Variants in PFKP observed in about 807,000 individuals in gnomAD.
PFKP encodes ATP-dependent 6-phosphofructokinase, platelet type.
Under a neutral mutation model 94.3 loss-of-function variants are expected in PFKP, and 101 were observed. That is an observed-to-expected ratio of 1.07 (90% CI 0.91 to 1.26). The LOEUF is 1.26. Among genes scored for constraint, PFKP ranks in the 50% most tolerant of loss-of-function variants. The pLI, the probability that PFKP is intolerant of heterozygous loss-of-function variation, is 0.00. For missense variants in PFKP, 1,145 were observed against 1,103.3 expected (o/e 1.04, Z -0.53); for synonymous variants, 573 against 432.6 (o/e 1.32, Z -4.03).
Position 3,082,455 on chromosome 10 carries a change from C to T in PFKP, c.180C>T (p.Ile60=). 1 of 1,605,088 alleles carries T rather than the reference C, an allele frequency of 6.2e-7. No homozygotes were observed. The highest frequency in any genetic ancestry group is 2.3e-5 in the East Asian group (1 of 44,434). Residue 60 remains isoleucine (I), a synonymous_variant, in exon 2 of 22, where the codon ATC becomes ATT. Transcript: ENST00000381125. ...ACGTGGGGGCCAAGGTGTACTTCAT[C>T]TACGAGGTCAGTGTCTGCCCCTCAC... ...GIYVGAKVYF[I]YEGYQGMVDG...
chr10:3,093,103 G>T (rs529228831), intron 2 of PFKP, among the ~76,000 whole-genome samples: 94 of 152,366 alleles, frequency 6.2e-4, no homozygotes, highest in African/African-American at 2.1e-3. Flanking sequence ...CCGCTCCTGG[G>T]ATGTGTGGAA....
chr10:3,129,803 G>C lies in PFKP; in HGVS notation c.1684-16G>C, dbSNP rs2279211. The C allele has an allele frequency of 6.2e-7, 1 of 1,612,374 alleles. No individual in the cohort carries two copies. Among genetic ancestry groups the C allele is most frequent in the Admixed American group, 1.7e-5 (1 of 59,968 alleles). ...CGGGCCTGGGCTGGAGTGACTGATC[G>C]CTTCTCTGTGACCAGACCTGCGACC... is the stretch of plus-strand genomic sequence containing the variant. On this transcript the variant is annotated splice_polypyrimidine_tract_variant and intron_variant, in intron 16 of 21. Transcript: ENST00000381125.
Position 3,134,575 on chromosome 10 carries a change from G to A in PFKP, c.2115G>A (p.Arg705=), listed in dbSNP as rs1284558977. The A allele has an allele frequency of 6.2e-7, 1 of 1,611,112 alleles. No individual in the cohort carries two copies. The highest frequency in any genetic ancestry group is 2.2e-5 in the East Asian group (1 of 44,864). ...EWITAKLKEA[R]GRGKKFTTDD... is the part of the protein sequence containing the mutation. ...TCACTGCAAAACTCAAGGAGGCCCG[G>A]GGCAGAGGTAAGGGGTCTGGGGAGG... Residue 705 remains arginine (R), a synonymous_variant, in exon 20 of 22, where the codon CGG becomes CGA. Transcript: ENST00000381125.
At chr10:3,096,503 G>C (rs1588449086) in intron 2 of PFKP, among the ~76,000 whole-genome samples, 1 of 152,128 alleles carries the variant, frequency 6.6e-6, no homozygotes, top group African/African-American at 2.4e-5. Flanking sequence ...TCCTCTCAGG[G>C]AGGTCCCGGT....
intron 16 of PFKP, chr10:3,129,603 C>T (rs937266521): frequency 7.1e-6 from 4 of 562,772 alleles, no homozygotes; most frequent in Non-Finnish European, 1.3e-5. Flanking sequence ...AGGTCACCTC[C>T]AGGTGGCTGC....
At chr10:3,105,833 T>C (rs2388570) in intron 7 of PFKP, among the ~76,000 whole-genome samples, 44,931 of 152,030 alleles carry the variant, frequency 0.3, 7,703 homozygotes, top group Non-Finnish European at 0.39. Flanking sequence ...TTTCTATGGG[T>C]GGGTCTTTAA....
At chr10:3,082,582 G>C in intron 2 of PFKP, 121 bp downstream of exon 2, 1 of 579,910 alleles carries the variant, frequency 1.7e-6, no homozygotes, top group Non-Finnish European at 2.8e-6. Context: ...GTGGGCAGGG[G>C]AGCAAGATCC....
intron 17 of PFKP, 94 bp from the exon 18 acceptor site, chr10:3,132,286 A>G (rs1838682541): frequency 2.3e-6 from 2 of 875,358 alleles, no homozygotes. Context: ...GCTCACTGCC[A>G]CACTTGGTTG....
intron 14 of PFKP, among the ~76,000 whole-genome samples, chr10:3,117,386 G>A (rs1171966255): frequency 6.6e-6 from 1 of 152,188 alleles, no homozygotes; most frequent in Non-Finnish European, 1.5e-5. Context: ...TGTAGATGAA[G>A]CCTGAGTAAT....
chr10:3,112,424 G>A (rs941406088), intron 11 of PFKP, 138 bp downstream of exon 11: 24 of 714,072 alleles, frequency 3.4e-5, no homozygotes, highest in East Asian at 1.5e-4. Flanking sequence ...TCACAGCACC[G>A]CTCTTGCAGT....
chr10:3,080,076 G>A (rs973286996), intron 1 of PFKP, among the ~76,000 whole-genome samples: 27 of 150,204 alleles, frequency 1.8e-4, no homozygotes, highest in Non-Finnish European at 3.1e-4. Context: ...AGCACTGGTG[G>A]GACTGCTACC....
chr10:3,127,633 C>T (rs1408990750), intron 16 of PFKP, among the ~76,000 whole-genome samples: 2 of 152,178 alleles, frequency 1.3e-5, no homozygotes, highest in South Asian at 2.1e-4. Context: ...AACAGTGCAA[C>T]CCTCAGAATT....
At position 3,101,419 on chromosome 10, in the gene PFKP, C is replaced by A. The variant is rs765820836; in HGVS notation, c.319C>A (p.Arg107Ser). 8.1e-6 allele frequency: 13 copies of A among 1,606,256 alleles called. No homozygotes were observed. The highest frequency in any genetic ancestry group is 1.1e-5 in the Non-Finnish European group (13 of 1,177,044). Residue 107 changes from arginine to serine, a missense_variant, in exon 4 of 22, where the codon CGC (arginine) becomes AGC (serine). By Grantham distance (110) the Arg-to-Ser change is moderately radical. Coordinates refer to ENST00000381125, the MANE Select transcript of PFKP (RefSeq NM_002627.5). ...RCQAFRTREG[R>S]LKAACNLLQR... ...CCAGGCCTTCCGCACGCGGGAAGGC[C>A]GCCTGAAGGCTGCTTGCAACCTGCT...
rs553540776 is a variant in PFKP at position 3,116,802 on chromosome 10, C to A, written c.1398C>A (p.Val466=). 6.2e-7 allele frequency: 1 copy of A among 1,613,668 alleles called. No individual in the cohort carries two copies. Among genetic ancestry groups the A allele is most frequent in the Admixed American group, 1.7e-5 (1 of 60,026 alleles). The change falls in exon 14 of 22, where the codon GTC becomes GTA. Residue 466 remains valine (V), a synonymous_variant. Coordinates refer to ENST00000381125, the MANE Select transcript of PFKP (RefSeq NM_002627.5). The part of the protein sequence containing the change: ...GQIKEIGWTD[V]GGWTGQGGSI... The stretch of plus-strand genomic sequence containing the variant: ...TCAAAGAAATCGGCTGGACAGATGT[C>A]GGGGGCTGGACCGGCCAAGGAGGCT...
chr10:3,127,579 G>A (rs6602032), intron 16 of PFKP, among the ~76,000 whole-genome samples: 103,123 of 152,128 alleles, frequency 0.68, 35,057 homozygotes, highest in East Asian at 0.74. Flanking sequence ...GCCTTACAGC[G>A]TCTTAAGTCT....
At chr10:3,071,947 G>C (rs1265688163) in intron 1 of PFKP, among the ~76,000 whole-genome samples, 1 of 152,238 alleles carries the variant, frequency 6.6e-6, no homozygotes, top group Non-Finnish European at 1.5e-5. Context: ...AGTTCACAGA[G>C]CTCCGTGGTG....
intron 4 of PFKP, among the ~76,000 whole-genome samples, chr10:3,101,972 C>A (rs532642703): frequency 6.6e-6 from 1 of 150,904 alleles, no homozygotes; most frequent in South Asian, 2.1e-4. Flanking sequence ...TGAAGTTGGG[C>A]CGGGCGCGGT....
chr10:3,097,771 C>T (rs1490466421), intron 2 of PFKP, among the ~76,000 whole-genome samples: 12 of 152,030 alleles, frequency 7.9e-5, no homozygotes, highest in Admixed American at 7.2e-4. Context: ...TTGGGAGGCC[C>T]AGGCAGGCAG....
In PFKP at chr10:3,128,508, C is replaced by G. The variant is rs924385759; in HGVS notation, c.1684-1311C>G. ...ACCTGGGGCTGGAAAATAATACTCTCTCCCACAGCTCTGGAGCGCAGGAGC... is the reference window on the plus strand; with the variant it reads ...ACCTGGGGCTGGAAAATAATACTCTGTCCCACAGCTCTGGAGCGCAGGAGC... On this transcript the variant is annotated intron_variant, in intron 16 of 21. Transcript: ENST00000381125. Among the ~76,000 whole-genome samples the G allele has an allele frequency of 7.2e-5, 11 of 152,366 alleles. No homozygotes were observed. The South Asian group carries it at 1.7e-3, about 23-fold the overall frequency.
Sources: allele counts gnomAD v4.1 joint callset (sites outside exome capture counted in the v4.1 genomes callset), GRCh38; gene constraint gnomAD v4.1.1; transcripts MANE v1.5; gene names NCBI Gene and HGNC (gene_info 2026-07-23, HGNC 2026-07-21).